Variants in NBEAL1 observed in about 807,000 individuals in gnomAD.
NBEAL1 encodes neurobeachin like 1, also known as neurobeachin-like protein 1.
In NBEAL1, 273 loss-of-function variants were observed where a neutral mutation model predicts 351.3. The observed-to-expected ratio is 0.78, with a 90% CI of 0.70 to 0.86. The LOEUF (loss-of-function observed/expected upper bound fraction) is 0.86, where lower values mean the gene tolerates loss of function less well. Ranked by LOEUF, NBEAL1 falls within the 40% of genes least tolerant of loss-of-function variation. The probability of loss-of-function intolerance (pLI) is 0.00; values close to 1 mark genes in which losing one functional copy is unlikely to be tolerated. For synonymous variants in NBEAL1, 1,050 were observed against 1,086.4 expected (o/e 0.97, Z 0.66); for missense variants, 2,961 against 3,201.3 (o/e 0.92, Z 1.81).
In NBEAL1 at chr2:203,211,069, A is replaced by G; in HGVS notation, c.7897A>G (p.Ser2633Gly). The G allele has an allele frequency of 1.2e-5, 19 of 1,606,074 alleles. No homozygotes were observed. Among genetic ancestry groups the G allele is most frequent in the Non-Finnish European group, 1.5e-5 (18 of 1,176,018 alleles). Residue 2633 changes from serine to glycine, a missense_variant, in exon 54 of 56, where the codon AGC (serine) becomes GGC (glycine). By Grantham distance (56) the Ser-to-Gly change is moderately conservative. Coordinates refer to ENST00000683969, the MANE Select transcript of NBEAL1 (RefSeq NM_001378026.1). ...CIIGEHIVTG[S>G]IQGFLSIRDL... ...AATCGGAGAACACATTGTCACAGGC[A>G]GCATACAAGGATTCCTGTCTATAAG...
intron 10 of NBEAL1, chr2:203,086,062 G>A (rs1423647059): frequency 2.0e-5 from 3 of 152,120 alleles, no homozygotes; most frequent in Admixed American, 1.3e-4. Context: ...AGAGGCTGTG[G>A]AAGTTAATGC....
chr2:203,053,435 T>C (rs1299822428), intron 4 of NBEAL1, among the ~76,000 whole-genome samples: 2 of 152,186 alleles, frequency 1.3e-5, no homozygotes, highest in African/African-American at 4.8e-5. Flanking sequence ...TCTTATTAAG[T>C]TTTAAGACAT....
At chr2:203,019,516 A>G (rs528787085) in intron 2 of NBEAL1, among the ~76,000 whole-genome samples, 2 of 152,340 alleles carry the variant, frequency 1.3e-5, no homozygotes, top group African/African-American at 4.8e-5. Flanking sequence ...TGATGTCTAC[A>G]CAAAACATTG....
At position 203,136,084 on chromosome 2, in the gene NBEAL1, T is replaced by C. The variant is rs1472073330; in HGVS notation, c.4221T>C (p.Ile1407=). ...PSHLSLDLSG[I]DSCEMSDSGS... Reference sequence around the variant, plus strand: ...ATTTGAGTTTAGACCTCAGTGGAATTGACTCATGTGAAATGAGTGATAGTG... The same window carrying C: ...ATTTGAGTTTAGACCTCAGTGGAATCGACTCATGTGAAATGAGTGATAGTG... Residue 1407 remains isoleucine, a synonymous_variant, in exon 28 of 56, where the codon ATT becomes ATC. Transcript: ENST00000683969. The C allele has an allele frequency of 1.2e-6, 2 of 1,613,980 alleles. No individual in the cohort carries two copies. The highest frequency in any genetic ancestry group is 1.7e-5 in the Admixed American group (1 of 59,980).
Position 203,112,014 on chromosome 2 carries a change from GCCTTTTGGT to G in NBEAL1, c.2120_2128del (p.Pro707_Gly709del). ...CTGTTGTCCACATGCCTGGAAAAAG[GCCTTTTGGT>G]CAGAGCTTCGTCTATATCTATGACA... On this transcript the variant is annotated inframe_deletion, in exon 16 of 56. Coordinates refer to ENST00000683969, the MANE Select transcript of NBEAL1 (RefSeq NM_001378026.1). 3 of 1,551,732 alleles carry G rather than the reference GCCTTTTGGT, an allele frequency of 1.9e-6. No individual in the cohort carries two copies. Among genetic ancestry groups the G allele is most frequent in the Non-Finnish European group, 2.6e-6 (3 of 1,147,014 alleles).
At chr2:203,143,339 G>A (rs956402926) in intron 31 of NBEAL1, among the ~76,000 whole-genome samples, 6 of 145,466 alleles carry the variant, frequency 4.1e-5, no homozygotes, top group Non-Finnish European at 8.8e-5. Flanking sequence ...GAATTTTAAG[G>A]GTAGTTCGGT....
chr2:203,214,548 G>A (rs1479677107), intron 55 of NBEAL1, among the ~76,000 whole-genome samples: 1 of 152,190 alleles, frequency 6.6e-6, no homozygotes, highest in Non-Finnish European at 1.5e-5. Context: ...ACCGAGACGA[G>A]CGGATCACTT....
chr2:203,210,777 G>C (rs1333423648), intron 53 of NBEAL1, among the ~76,000 whole-genome samples, 181 bp from the exon 54 acceptor site: 1 of 152,100 alleles, frequency 6.6e-6, no homozygotes, highest in Admixed American at 6.6e-5. Context: ...ATATTTACTT[G>C]GCAATCTGAT....
At chr2:203,115,834 A>G (rs1320450876) in intron 17 of NBEAL1, 151 bp from the exon 18 acceptor site, 6 of 552,906 alleles carry the variant, frequency 1.1e-5, no homozygotes, top group African/African-American at 3.8e-5. Flanking sequence ...AAACTGGAAT[A>G]TGGAAACAAA....
intron 2 of NBEAL1, among the ~76,000 whole-genome samples, chr2:203,017,548 C>T (rs1448102466): frequency 6.6e-6 from 1 of 152,008 alleles, no homozygotes; most frequent in Non-Finnish European, 1.5e-5. Context: ...AAAAGGAATC[C>T]AATTCACCAC....
At chr2:203,213,929 G>T in intron 55 of NBEAL1, 1 of 298,792 alleles carries the variant, frequency 3.3e-6, no homozygotes, top group Non-Finnish European at 4.9e-6. Context: ...CCACAACTTA[G>T]ATTTTCAATA....
chr2:203,109,622 C>T (rs1574981370), intron 14 of NBEAL1, among the ~76,000 whole-genome samples: 2 of 152,024 alleles, frequency 1.3e-5, no homozygotes, highest in Non-Finnish European at 2.9e-5. Context: ...CAGGTTCAAG[C>T]GATTCTCCTG....
In NBEAL1 at chr2:203,070,513, A is replaced by G. The variant is rs377474145; in HGVS notation, c.598+2038A>G. ...TGAGTAGCTGGGACTACATGAATGCACCATCATAAGCAGTGTGTTAGTTCG... is the reference window on the plus strand; with the variant it reads ...TGAGTAGCTGGGACTACATGAATGCGCCATCATAAGCAGTGTGTTAGTTCG... On this transcript the variant is annotated intron_variant, in intron 7 of 55. Coordinates refer to ENST00000683969, the MANE Select transcript of NBEAL1 (RefSeq NM_001378026.1). 1.4e-4 allele frequency among the ~76,000 whole-genome samples: 22 copies of G among 152,076 alleles called. No individual in the cohort carries two copies. The East Asian group carries it at 3.3e-3, about 23-fold the overall frequency.
Position 203,083,309 on chromosome 2 carries a change from G to C in NBEAL1, c.775G>C (p.Glu259Gln). 1 of 1,553,388 alleles carries C rather than the reference G, an allele frequency of 6.4e-7. No homozygotes were observed. Among genetic ancestry groups the C allele is most frequent in the Non-Finnish European group, 8.7e-7 (1 of 1,147,430 alleles). Residue 259 changes from glutamate to glutamine, a missense_variant, in exon 9 of 56, where the codon GAA (glutamate) becomes CAA (glutamine). Glu to Gln is a conservative substitution (Grantham distance 29). Transcript: ENST00000683969. ...TGATTCCTGGGAGGATGGAGATCCT[G>C]AAGAAGTGGGTAGGAAGGCAGAACT... ...DCDSWEDGDPEEVGRKAELTL... is the reference protein window; with the variant it reads ...DCDSWEDGDPQEVGRKAELTL...
chr2:203,043,876 G>C (rs58974948), intron 3 of NBEAL1, among the ~76,000 whole-genome samples: 1 of 152,278 alleles, frequency 6.6e-6, no homozygotes, highest in African/African-American at 2.4e-5. Context: ...AGTAGTAAAG[G>C]AGAATTGAGT....
chr2:203,118,365 G>A (rs2062747456), intron 18 of NBEAL1, among the ~76,000 whole-genome samples: 1 of 152,088 alleles, frequency 6.6e-6, no homozygotes, highest in African/African-American at 2.4e-5. Context: ...CAAAGTTTAT[G>A]CATTGCATTG....
chr2:203,157,982 G>A (rs569132719), intron 36 of NBEAL1, among the ~76,000 whole-genome samples, 157 bp downstream of exon 36: 2 of 152,246 alleles, frequency 1.3e-5, no homozygotes, highest in South Asian at 4.1e-4. Flanking sequence ...TGAGATTATT[G>A]AGGAAGGCTT....
intron 2 of NBEAL1, among the ~76,000 whole-genome samples, chr2:203,017,049 A>G (rs886716533): frequency 1.3e-5 from 2 of 152,190 alleles, no homozygotes; most frequent in Non-Finnish European, 2.9e-5. Flanking sequence ...ACTTTTATCC[A>G]TTTTTACTCC....
At chr2:203,115,184 A>G (rs1320384833) in intron 17 of NBEAL1, among the ~76,000 whole-genome samples, 21 of 150,228 alleles carry the variant, frequency 1.4e-4, no homozygotes, top group Admixed American at 4.6e-4. Flanking sequence ...CTGGAGTGCA[A>G]TGGCACGACC....
Sources: gnomAD v4.1 joint callset for allele counts (sites outside exome capture counted in the v4.1 genomes callset) on GRCh38, gnomAD v4.1.1 for gene constraint, MANE v1.5 for transcripts, NCBI Gene and HGNC (gene_info 2026-07-23, HGNC 2026-07-21) for gene names.